SERGEF: variants seen among roughly 807,000 people sequenced by gnomAD.
The protein encoded by SERGEF is secretion-regulating guanine nucleotide exchange factor.
SERGEF carries 51 observed loss-of-function variants against 50.0 expected under a neutral mutation model. The observed-to-expected ratio is 1.02, with a 90% CI of 0.81 to 1.29. The LOEUF (loss-of-function observed/expected upper bound fraction) is 1.29, where lower values mean the gene tolerates loss of function less well. SERGEF is among the 50% of genes most tolerant of loss of function. The pLI, the probability that SERGEF is intolerant of heterozygous loss-of-function variation, is 0.00. For synonymous variants in SERGEF, 205 were observed against 212.4 expected, an observed-to-expected ratio of 0.97 and a Z score of 0.30; for missense variants, 521 against 557.0, an observed-to-expected ratio of 0.94 and a Z score of 0.65.
At chr11:17,883,975 C>T (rs2133903523) in intron 9 of SERGEF, among the ~76,000 whole-genome samples, 1 of 152,218 alleles carries the variant, frequency 6.6e-6, no homozygotes, top group Admixed American at 6.5e-5. Context: ...GGGTGGGAAA[C>T]GAACACCGGG....
Position 17,976,352 on chromosome 11 carries a change from C to T in SERGEF, c.844+12245G>A, listed in dbSNP as rs180947633. Among the ~76,000 whole-genome samples the T allele has an allele frequency of 8.4e-4, 128 of 152,030 alleles. 1 individual carries two copies. The highest frequency in any genetic ancestry group is 4.2e-3 in the Admixed American group (64 of 15,272). Reference sequence around the variant, plus strand: ...CCAGGCTAGAGTGCAGTGGTGTGATCTTGGCTCTCTGCAACCTCTGCCTCC... The same window carrying T: ...CCAGGCTAGAGTGCAGTGGTGTGATTTTGGCTCTCTGCAACCTCTGCCTCC... On this transcript the variant is annotated intron_variant, in intron 8 of 10. Coordinates refer to ENST00000265965, the MANE Select transcript of SERGEF (RefSeq NM_012139.4).
intron 9 of SERGEF, among the ~76,000 whole-genome samples, chr11:17,896,271 T>C (rs1323319231): frequency 1.3e-5 from 2 of 152,136 alleles, no homozygotes; most frequent in Non-Finnish European, 2.9e-5. Flanking sequence ...GTGTATATAA[T>C]GTCACAGGAA....
intron 10 of SERGEF, among the ~76,000 whole-genome samples, chr11:17,873,128 A>T (rs1009277235): frequency 6.6e-6 from 1 of 152,170 alleles, no homozygotes; most frequent in Non-Finnish European, 1.5e-5. Flanking sequence ...AAAACAGGCC[A>T]GACTGTCACC....
chr11:18,000,811 T>C (rs1853945474), intron 4 of SERGEF: 2 of 638,442 alleles, frequency 3.1e-6, no homozygotes, highest in African/African-American at 3.6e-5. Context: ...TCTAAGGTCA[T>C]CTAGTCCAAG....
At chr11:17,932,304 A>G (rs1031788367) in intron 9 of SERGEF, among the ~76,000 whole-genome samples, 1 of 152,176 alleles carries the variant, frequency 6.6e-6, no homozygotes, top group Non-Finnish European at 1.5e-5. Flanking sequence ...CTTTTCTTCA[A>G]CTGAGAGCCC....
intron 10 of SERGEF, among the ~76,000 whole-genome samples, chr11:17,844,797 G>A (rs1423297951): frequency 6.6e-6 from 1 of 152,026 alleles, no homozygotes; most frequent in Non-Finnish European, 1.5e-5. Context: ...GGGGTATAGA[G>A]AGGCTCTACG....
At chr11:17,885,978 G>C (rs1461698200) in intron 9 of SERGEF, among the ~76,000 whole-genome samples, 1 of 152,094 alleles carries the variant, frequency 6.6e-6, no homozygotes, top group Non-Finnish European at 1.5e-5. Context: ...TAACAGCTTG[G>C]ACACGAGTAT....
chr11:17,941,092 T>A (rs1179297456), intron 9 of SERGEF, among the ~76,000 whole-genome samples: 1 of 152,226 alleles, frequency 6.6e-6, no homozygotes, highest in Admixed American at 6.5e-5. Context: ...GTATTTGCTT[T>A]AATCACAAAT....
At chr11:17,876,176 T>A (rs1851233458) in intron 10 of SERGEF, among the ~76,000 whole-genome samples, 1 of 152,228 alleles carries the variant, frequency 6.6e-6, no homozygotes. Flanking sequence ...GGTACATATG[T>A]GCAGAGCCCT....
chr11:17,948,356 G>C lies in SERGEF; in HGVS notation c.1011+11114C>G, dbSNP rs566858472. 3.9e-5 allele frequency among the ~76,000 whole-genome samples: 6 copies of C among 152,258 alleles called. No homozygotes were observed. In the East Asian group the frequency reaches 9.6e-4, roughly 24 times the overall value. On this transcript the variant is annotated intron_variant, in intron 9 of 10. Transcript: ENST00000265965. ...TCTATTTGACAGATGCAAAATCTGA[G>C]ACTCAGAGAAGTAAAAGCAGCTGTC... is the stretch of plus-strand genomic sequence containing the variant.
chr11:18,010,787 A>G (rs1228995840), intron 1 of SERGEF, among the ~76,000 whole-genome samples: 1 of 152,210 alleles, frequency 6.6e-6, no homozygotes, highest in African/African-American at 2.4e-5. Flanking sequence ...TGGCCCAAAG[A>G]AGATGTACAT....
chr11:17,806,914 C>G (rs115609243), intron 10 of SERGEF, among the ~76,000 whole-genome samples: 1 of 152,116 alleles, frequency 6.6e-6, no homozygotes, highest in South Asian at 2.1e-4. Context: ...ATTTACCACC[C>G]CACCCCTGAG....
chr11:17,914,048 A>T (rs556636462), intron 9 of SERGEF, among the ~76,000 whole-genome samples: 1 of 152,228 alleles, frequency 6.6e-6, no homozygotes, highest in Non-Finnish European at 1.5e-5. Flanking sequence ...AATTGGCCCC[A>T]GTTGACCTTT....
At chr11:17,813,643 T>C (rs1431018396) in intron 10 of SERGEF, among the ~76,000 whole-genome samples, 1 of 152,200 alleles carries the variant, frequency 6.6e-6, no homozygotes, top group Non-Finnish European at 1.5e-5. Context: ...CCTTACAGTC[T>C]CTCAGTCACT....
intron 10 of SERGEF, among the ~76,000 whole-genome samples, chr11:17,852,302 C>T (rs1438013818): frequency 6.6e-6 from 1 of 152,196 alleles, no homozygotes. Context: ...AAACAGAAAT[C>T]CTTGCTACAT....
chr11:17,965,558 C>A (rs544426504), intron 8 of SERGEF, among the ~76,000 whole-genome samples: 23 of 152,296 alleles, frequency 1.5e-4, no homozygotes, highest in African/African-American at 5.5e-4. Flanking sequence ...GGACCATGTT[C>A]CTCATCCTGG....
At chr11:17,999,383 C>A in intron 5 of SERGEF, 1 of 312,518 alleles carries the variant, frequency 3.2e-6, no homozygotes, top group Non-Finnish European at 6.3e-6. Context: ...ATTTTTGCAG[C>A]TGCATGTGCA....
intron 9 of SERGEF, among the ~76,000 whole-genome samples, chr11:17,914,475 T>C (rs1233584459): frequency 1.3e-5 from 2 of 152,176 alleles, no homozygotes; most frequent in Admixed American, 1.3e-4. Context: ...TGGAATGCAG[T>C]GGCACAATCC....
intron 10 of SERGEF, chr11:17,856,030 CTGCAGTG>C (rs1850810871): frequency 6.6e-6 from 1 of 152,248 alleles, no homozygotes. Context: ...AAAGGTTATT[CTGCAGTG>C]TGGGCACAGA....
Sources: gnomAD v4.1 joint callset for allele counts (sites outside exome capture counted in the v4.1 genomes callset) on GRCh38, gnomAD v4.1.1 for gene constraint, MANE v1.5 for transcripts, NCBI Gene and HGNC (gene_info 2026-07-23, HGNC 2026-07-21) for gene names.